The following ZMIZ1 variants were observed in gnomAD, a reference collection of about 807,000 sequenced individuals.
The protein encoded by ZMIZ1 is zinc finger MIZ domain-containing protein 1.
In ZMIZ1, 17 loss-of-function variants were observed where a neutral mutation model predicts 113.9. The ratio of observed to expected loss-of-function variants is 0.15; its 90% CI spans 0.10 to 0.22. ZMIZ1 has a LOEUF of 0.22. Ranked by LOEUF, ZMIZ1 falls within the 10% of genes least tolerant of loss-of-function variation. The probability of loss-of-function intolerance (pLI) is 1.00; values close to 1 mark genes in which losing one functional copy is unlikely to be tolerated. For missense variants in ZMIZ1, 1,059 were observed against 1,477.8 expected (o/e 0.72, Z 4.65); for synonymous variants, 607 against 603.1 (o/e 1.01, Z -0.09).
chr10:79,240,068 G>A (rs536706475), intron 7 of ZMIZ1, among the ~76,000 whole-genome samples: 13 of 152,330 alleles, frequency 8.5e-5, no homozygotes, highest in African/African-American at 3.1e-4. Flanking sequence ...CCCACGGCAG[G>A]AGGAGTTCAA....
At position 79,291,116 on chromosome 10, in the gene ZMIZ1, A is replaced by G. The variant is rs940659571; in HGVS notation, c.698A>G (p.Tyr233Cys). The change falls in exon 10 of 25, where the codon TAC (tyrosine) becomes TGC (cysteine). Residue 233 changes from tyrosine (Y) to cysteine (C), a missense_variant. Transcript: ENST00000334512. ...GCCAAGGCTGGCCCCGCTCAGCCCT[A>G]CATCCAGCAGAGCATGTATGGCCGG... ...FSAKAGPAQP[Y>C]IQQSMYGRPN... The G allele has an allele frequency of 5.0e-6, 8 of 1,614,014 alleles. No homozygotes were observed. Among genetic ancestry groups the G allele is most frequent in the Non-Finnish European group, 6.8e-6 (8 of 1,180,028 alleles).
At chr10:79,221,349 AGGCGGCTCCACGC>A (rs1848961458) in intron 7 of ZMIZ1, among the ~76,000 whole-genome samples, 3 of 152,216 alleles carry the variant, frequency 2.0e-5, no homozygotes, top group Non-Finnish European at 4.4e-5. Context: ...GCCGCCAGGC[AGGCGGCTCCACGC>A]GGCCCTGGAC....
chr10:79,141,939 G>A (rs996075910), intron 3 of ZMIZ1, among the ~76,000 whole-genome samples: 9 of 152,334 alleles, frequency 5.9e-5, no homozygotes, highest in African/African-American at 1.9e-4. Context: ...TAGAGGTGAT[G>A]GGAACAGGGA....
chr10:79,237,012 G>A (rs1389919580), intron 7 of ZMIZ1, among the ~76,000 whole-genome samples: 1 of 152,254 alleles, frequency 6.6e-6, no homozygotes, highest in Non-Finnish European at 1.5e-5. Context: ...TGTCAGAGGG[G>A]GCTGAGTTGT....
chr10:79,221,865 C>T (rs958039955), intron 7 of ZMIZ1, among the ~76,000 whole-genome samples: 2 of 152,252 alleles, frequency 1.3e-5, no homozygotes, highest in Admixed American at 6.5e-5. Context: ...GAAGAGAGCC[C>T]GAATGCCTGC....
rs373070077 is a variant in ZMIZ1, at chr10:79,279,373, G to A, written c.425+2048G>A. Among the ~76,000 whole-genome samples the A allele has an allele frequency of 9.9e-5, 15 of 151,492 alleles. No individual in the cohort carries two copies. The East Asian group carries it at 2.5e-3, about 26-fold the overall frequency. On this transcript the variant is annotated intron_variant, in intron 8 of 24. Coordinates refer to ENST00000334512, the MANE Select transcript of ZMIZ1 (RefSeq NM_020338.4). ...CTCTTCACATCTCAGACGGGGTGGC[G>A]GGGCAGAGGCGCTCCCCACATCCCA...
intron 1 of ZMIZ1, among the ~76,000 whole-genome samples, chr10:79,075,862 T>G (rs548503702): frequency 2.0e-5 from 3 of 152,278 alleles, no homozygotes; most frequent in South Asian, 2.1e-4. Context: ...AAAGTTCTGT[T>G]TTGGTGTCTG....
At chr10:79,274,851 T>C (rs1019457266) in intron 7 of ZMIZ1, among the ~76,000 whole-genome samples, 2 of 152,216 alleles carry the variant, frequency 1.3e-5, no homozygotes, top group African/African-American at 2.4e-5. Context: ...GGGCTGTCCT[T>C]GGCTGAGCAG....
At chr10:79,259,257 C>A (rs1273961454) in intron 7 of ZMIZ1, among the ~76,000 whole-genome samples, 1 of 152,176 alleles carries the variant, frequency 6.6e-6, no homozygotes, top group Admixed American at 6.5e-5. Flanking sequence ...TGGAGCTCTC[C>A]TGTCTGTCTT....
intron 3 of ZMIZ1, among the ~76,000 whole-genome samples, chr10:79,158,202 G>A (rs1845978053): frequency 6.6e-6 from 1 of 152,222 alleles, no homozygotes; most frequent in Admixed American, 6.5e-5. Flanking sequence ...AGCTATCAGG[G>A]CCAAGGCACG....
intron 4 of ZMIZ1, among the ~76,000 whole-genome samples, chr10:79,198,966 G>A (rs576502743): frequency 3.3e-5 from 5 of 151,142 alleles, no homozygotes; most frequent in East Asian, 2.0e-4. Context: ...CCTGGGAGGC[G>A]GAGGCTGCAG....
chr10:79,236,583 C>G (rs140744431), intron 7 of ZMIZ1, among the ~76,000 whole-genome samples: 5,528 of 152,230 alleles, frequency 0.036, 148 homozygotes, highest in South Asian at 0.13. Flanking sequence ...GGCGCGCTCC[C>G]CACCACCTCC....
intron 23 of ZMIZ1, among the ~76,000 whole-genome samples, chr10:79,309,276 C>G (rs1350501763): frequency 1.3e-5 from 2 of 152,302 alleles, no homozygotes; most frequent in African/African-American, 2.4e-5. Context: ...CGGAGACATT[C>G]CAGCCAGATA....
intron 7 of ZMIZ1, among the ~76,000 whole-genome samples, chr10:79,232,841 G>A (rs1849446180): frequency 6.6e-6 from 1 of 152,150 alleles, no homozygotes. Flanking sequence ...TGTGCAAGAT[G>A]TGCCACTTTG....
chr10:79,180,287 C>A (rs1847062374), intron 4 of ZMIZ1, among the ~76,000 whole-genome samples: 1 of 152,158 alleles, frequency 6.6e-6, no homozygotes, highest in Non-Finnish European at 1.5e-5. Flanking sequence ...CCCAGCATCA[C>A]CCTCCTTAAA....
At chr10:79,297,799 T>G in intron 14 of ZMIZ1, 109 bp downstream of exon 14, 2 of 923,734 alleles carry the variant, frequency 2.2e-6, no homozygotes, top group Non-Finnish European at 3.4e-6. Flanking sequence ...GGCCCATGGG[T>G]GGGGGTGCAC....
Position 79,314,035 on chromosome 10 carries a change from GC to G in ZMIZ1, c.*1290del, listed in dbSNP as rs1319501208. 4 of 456,618 alleles carry G rather than the reference GC, an allele frequency of 8.8e-6. No individual in the cohort carries two copies. The highest frequency in any genetic ancestry group is 1.8e-5 in the Non-Finnish European group (4 of 226,978). 28.3% of individuals were successfully genotyped at this position (456,618 alleles called of 1,614,324 possible). A position where few individuals can be genotyped will look rare whatever the true frequency, so the allele number is the denominator to read the frequency against. ...GGGAGGGGGGCGTGTTTCTGGGCCT[GC>G]CCCAGACACTGCCCTTGGCTGCCAG... is the stretch of plus-strand genomic sequence containing the variant. On this transcript the variant is annotated 3_prime_UTR_variant, in exon 25 of 25. Coordinates refer to ENST00000334512, the MANE Select transcript of ZMIZ1 (RefSeq NM_020338.4).
chr10:79,258,810 C>A (rs965179340), intron 7 of ZMIZ1, among the ~76,000 whole-genome samples: 8 of 152,206 alleles, frequency 5.3e-5, no homozygotes, highest in African/African-American at 1.9e-4. Context: ...TGCCCCAGGG[C>A]AGGCACTTTG....
chr10:79,254,659 T>C (rs1229648075), intron 7 of ZMIZ1, among the ~76,000 whole-genome samples: 2 of 152,226 alleles, frequency 1.3e-5, no homozygotes, highest in Non-Finnish European at 2.9e-5. Flanking sequence ...AGCGTGATAT[T>C]CCATGCCATG....
Sources: gnomAD v4.1 joint callset for allele counts (sites outside exome capture counted in the v4.1 genomes callset) on GRCh38, gnomAD v4.1.1 for gene constraint, MANE v1.5 for transcripts, NCBI Gene and HGNC (gene_info 2026-07-23, HGNC 2026-07-21) for gene names.